Variants in PARD3B observed in about 807,000 individuals in gnomAD.
PARD3B encodes the protein par-3 family cell polarity regulator beta, also known as partitioning defective 3 homolog B.
PARD3B carries 103 observed loss-of-function variants against 130.2 expected under a neutral mutation model. That is an observed-to-expected ratio of 0.79 (90% CI 0.67 to 0.93). The LOEUF is 0.93. Ranked by LOEUF, PARD3B falls within the 40% of genes least tolerant of loss-of-function variation. The pLI, the probability that PARD3B is intolerant of heterozygous loss-of-function variation, is 0.00. For synonymous variants in PARD3B, 583 were observed against 553.2 expected (o/e 1.05, Z -0.76); for missense variants, 1,609 against 1,499.2 (o/e 1.07, Z -1.21).
intron 22 of PARD3B, among the ~76,000 whole-genome samples, chr2:205,603,081 A>C (rs1487687987): frequency 1.3e-5 from 2 of 152,190 alleles, no homozygotes; most frequent in African/African-American, 4.8e-5. Flanking sequence ...AGAGGTTTCA[A>C]AGAACTTCTT....
chr2:204,642,669 A>T (rs756629854), intron 1 of PARD3B, among the ~76,000 whole-genome samples: 1 of 151,998 alleles, frequency 6.6e-6, no homozygotes, highest in East Asian at 1.9e-4. Context: ...GATATGTGAT[A>T]TGGTTTGGCA....
At chr2:205,178,521 G>A (rs567652935) in intron 13 of PARD3B, among the ~76,000 whole-genome samples, 3 of 152,312 alleles carry the variant, frequency 2.0e-5, no homozygotes, top group African/African-American at 7.2e-5. Context: ...AATTGCAGTA[G>A]CAAAAGAGCC....
chr2:205,489,954 G>A (rs921467791), intron 20 of PARD3B, among the ~76,000 whole-genome samples: 3 of 152,098 alleles, frequency 2.0e-5, no homozygotes, highest in Non-Finnish European at 4.4e-5. Context: ...AGATGACATT[G>A]ATCTGGTGAC....
intron 18 of PARD3B, among the ~76,000 whole-genome samples, chr2:205,399,444 T>TC (rs1318184335): frequency 6.6e-6 from 1 of 151,840 alleles, no homozygotes; most frequent in African/African-American, 2.4e-5. Flanking sequence ...AACCTCTGCC[T>TC]CCTGTGTTCA....
At chr2:205,474,168 T>A (rs2048945631) in intron 20 of PARD3B, among the ~76,000 whole-genome samples, 1 of 152,086 alleles carries the variant, frequency 6.6e-6, no homozygotes, top group Non-Finnish European at 1.5e-5. Flanking sequence ...TCTTTTTATA[T>A]TTTTATTATT....
chr2:205,296,239 G>T (rs886531387), intron 16 of PARD3B, among the ~76,000 whole-genome samples: 6 of 152,212 alleles, frequency 3.9e-5, no homozygotes, highest in Non-Finnish European at 8.8e-5. Flanking sequence ...GAAGTAATTA[G>T]CAGGGCAGGG....
chr2:204,946,305 C>T (rs1475449775), intron 2 of PARD3B, among the ~76,000 whole-genome samples: 1 of 152,200 alleles, frequency 6.6e-6, no homozygotes, highest in Non-Finnish European at 1.5e-5. Context: ...AGTTTCTCAT[C>T]CAGCATTACT....
chr2:204,901,832 G>A (rs1450907634), intron 2 of PARD3B, among the ~76,000 whole-genome samples: 1 of 152,136 alleles, frequency 6.6e-6, no homozygotes, highest in African/African-American at 2.4e-5. Flanking sequence ...TCCAGGACTG[G>A]GTTTTTCCCT....
chr2:204,899,184 TCTCCCTTCCCTCCCTTCC>T (rs200088765), intron 2 of PARD3B, among the ~76,000 whole-genome samples: 1 of 140,738 alleles, frequency 7.1e-6, no homozygotes, highest in African/African-American at 2.7e-5. Context: ...GGTCTTCTCT[TCTCCCTTCCCTCCCTTCC>T]CTCCCTTCCC....
chr2:205,335,644 A>G (rs868624624), intron 18 of PARD3B, among the ~76,000 whole-genome samples: 77 of 36,138 alleles, frequency 2.1e-3, no homozygotes, highest in Middle Eastern at 0.059. Context: ...AGACTGGGGA[A>G]AAAAAAAAAG....
chr2:205,406,149 G>A (rs1325038891), intron 19 of PARD3B, among the ~76,000 whole-genome samples: 1 of 152,202 alleles, frequency 6.6e-6, no homozygotes, highest in Non-Finnish European at 1.5e-5. Context: ...GATTTCTCAT[G>A]CTTGAAGAAC....
At chr2:205,605,540 C>A (rs887007669) in intron 22 of PARD3B, among the ~76,000 whole-genome samples, 2 of 152,016 alleles carry the variant, frequency 1.3e-5, no homozygotes, top group African/African-American at 4.8e-5. Context: ...CTCTCCAGAC[C>A]CTATTCACCT....
At chr2:205,204,502 T>C (rs1475631171) in intron 15 of PARD3B, among the ~76,000 whole-genome samples, 4 of 152,220 alleles carry the variant, frequency 2.6e-5, no homozygotes, top group Admixed American at 1.3e-4. Flanking sequence ...GCTTTTGGTG[T>C]TTTAGACATG....
At chr2:204,936,912 G>C (rs760283986) in intron 2 of PARD3B, among the ~76,000 whole-genome samples, 6 of 152,240 alleles carry the variant, frequency 3.9e-5, no homozygotes, top group Non-Finnish European at 8.8e-5. Flanking sequence ...CTATGTACCA[G>C]TAAAAATAAT....
In PARD3B at chr2:204,832,743, G is replaced by A. The variant is rs950282275; in HGVS notation, c.223-132409G>A. ...AGGGCTGTGGCTGAAGCGTAGTTGT[G>A]TTCTGGAAGTATTGTGGGTTTTTCT... is the stretch of plus-strand genomic sequence containing the variant. On this transcript the variant is annotated intron_variant, in intron 2 of 22. Coordinates refer to ENST00000406610, the MANE Select transcript of PARD3B (RefSeq NM_001302769.2). 5.3e-5 allele frequency among the ~76,000 whole-genome samples: 8 copies of A among 152,276 alleles called. No homozygotes were observed. The East Asian group carries it at 1.4e-3, about 26-fold the overall frequency.
rs74469085 is a variant in PARD3B, at chr2:204,728,114, C to T, written c.222+41832C>T. On this transcript the variant is annotated intron_variant, in intron 2 of 22. Transcript: ENST00000406610. ...GTCCTACCTCACTTTCACTCACAGCCGGGAACTCAGTTTTTAAAATTTGCC... is the reference window on the plus strand; with the variant it reads ...GTCCTACCTCACTTTCACTCACAGCTGGGAACTCAGTTTTTAAAATTTGCC... 7.5e-3 allele frequency among the ~76,000 whole-genome samples: 1,134 copies of T among 152,180 alleles called. 18 individuals carry two copies. Among genetic ancestry groups the T allele is most frequent in the African/African-American group, 0.025 (1,028 of 41,508 alleles).
At chr2:205,155,285 G>C (rs1305981317) in intron 10 of PARD3B, among the ~76,000 whole-genome samples, 5 of 141,214 alleles carry the variant, frequency 3.5e-5, no homozygotes, top group Non-Finnish European at 6.3e-5. Flanking sequence ...TGCAAATAGG[G>C]GCAGCGGCTC....
intron 20 of PARD3B, among the ~76,000 whole-genome samples, chr2:205,474,528 A>G (rs1423607564): frequency 6.6e-6 from 1 of 152,142 alleles, no homozygotes; most frequent in Non-Finnish European, 1.5e-5. Flanking sequence ...GTTGCATGAT[A>G]ACTGTATCTT....
chr2:205,327,337 C>T (rs2042970987), intron 18 of PARD3B, among the ~76,000 whole-genome samples: 1 of 152,126 alleles, frequency 6.6e-6, no homozygotes. Flanking sequence ...CCTAATGCTA[C>T]CTAAGATTGT....
Sources: allele counts gnomAD v4.1 joint callset (sites outside exome capture counted in the v4.1 genomes callset), GRCh38; gene constraint gnomAD v4.1.1; transcripts MANE v1.5; gene names NCBI Gene and HGNC (gene_info 2026-07-23, HGNC 2026-07-21).